Variants in CAPN9 observed in about 807,000 individuals in gnomAD.
The protein encoded by CAPN9 is calpain 9.
CAPN9 carries 81 observed loss-of-function variants against 92.8 expected under a neutral mutation model. That is an observed-to-expected ratio of 0.87 (90% CI 0.73 to 1.05). The LOEUF (loss-of-function observed/expected upper bound fraction) is 1.05. Among genes scored for constraint, CAPN9 ranks in the 50% least tolerant of loss-of-function variants. The pLI, the probability that CAPN9 is intolerant of heterozygous loss-of-function variation, is 0.00. For synonymous variants in CAPN9, 304 were observed against 328.0 expected (o/e 0.93, Z 0.79); for missense variants, 848 against 866.2 (o/e 0.98, Z 0.26).
chr1:230,780,373 T>G, intron 10 of CAPN9, 37 bp downstream of exon 10: 1 of 1,609,108 alleles, frequency 6.2e-7, no homozygotes, highest in Non-Finnish European at 8.5e-7. Flanking sequence ...GAGTTCTCCA[T>G]CTGAGTTCTA....
chr1:230,767,393 C>T (rs1666056893), intron 4 of CAPN9, 148 bp from the exon 5 acceptor site: 6 of 603,816 alleles, frequency 9.9e-6, no homozygotes, highest in Non-Finnish European at 1.7e-5. Context: ...ACCCTGATAA[C>T]TTGCTTCCCG....
rs1352085414 is a variant in CAPN9, at chr1:230,789,320, A to C, written c.1600-812A>C. Among the ~76,000 whole-genome samples the C allele has an allele frequency of 2.6e-5, 4 of 152,194 alleles. No homozygotes were observed. The East Asian group carries it at 7.7e-4, about 29-fold the overall frequency. ...ATAGGGAGAGCCCATCTCTGCAAAA[A>C]TAATCAGCCCAGCATGGTGGTGCAT... On this transcript the variant is annotated intron_variant, in intron 13 of 19. Coordinates refer to ENST00000271971, the MANE Select transcript of CAPN9 (RefSeq NM_006615.3).
chr1:230,795,198 G>T lies in CAPN9; in HGVS notation c.1906G>T (p.Val636Leu), dbSNP rs370675670. The stretch of plus-strand genomic sequence containing the variant: ...GAGCAGCCACCTCCTGCAGCTGATT[G>T]TGCTCAGGTATGCGGATGAGGAGCT... The part of the protein sequence containing the change: ...QLSSHLLQLI[V>L]LRYADEELQL... The change falls in exon 18 of 20, where the codon GTG (valine) becomes TTG (leucine). Residue 636 changes from valine (V) to leucine (L), a missense_variant. Transcript: ENST00000271971. The T allele has an allele frequency of 1.9e-6, 3 of 1,613,532 alleles. No homozygotes were observed. The highest frequency in any genetic ancestry group is 2.5e-6 in the Non-Finnish European group (3 of 1,179,754).
intron 1 of CAPN9, among the ~76,000 whole-genome samples, chr1:230,751,579 AAG>A (rs1664778242): frequency 5.3e-5 from 1 of 18,988 alleles, no homozygotes; most frequent in African/African-American, 2.9e-4. Flanking sequence ...AGAAAGAAGA[AAG>A]AAACAAAGAA....
chr1:230,800,305 AGGAAAAAC>A (rs1333808046), intron 19 of CAPN9, among the ~76,000 whole-genome samples: 9 of 51,780 alleles, frequency 1.7e-4, no homozygotes, highest in African/African-American at 5.9e-4. Flanking sequence ...AAAGAAAGAA[AGGAAAAAC>A]AAGAGAGACC....
intron 2 of CAPN9, among the ~76,000 whole-genome samples, chr1:230,757,768 C>G (rs922151427): frequency 4.0e-5 from 6 of 148,564 alleles, no homozygotes; most frequent in African/African-American, 1.5e-4. Flanking sequence ...TCAAGGCATG[C>G]TGTTATCTGC....
chr1:230,789,254 C>T lies in CAPN9; in HGVS notation c.1600-878C>T, dbSNP rs575248256. ...CACCTGGGCATCCTGGGAAAAAAAACACAGATTCCTCATCAATAGGTCAAG... is the reference window on the plus strand; with the variant it reads ...CACCTGGGCATCCTGGGAAAAAAAATACAGATTCCTCATCAATAGGTCAAG... On this transcript the variant is annotated intron_variant, in intron 13 of 19. Coordinates refer to ENST00000271971, the MANE Select transcript of CAPN9 (RefSeq NM_006615.3). Among the ~76,000 whole-genome samples, 4 of 151,806 alleles carry T rather than the reference C, an allele frequency of 2.6e-5. No homozygotes were observed. The East Asian group carries it at 7.7e-4, about 29-fold the overall frequency.
At position 230,801,700 on chromosome 1, in the gene CAPN9, C is replaced by G. The variant is rs1668736486; in HGVS notation, c.*104C>G. The G allele has an allele frequency of 9.9e-7, 1 of 1,013,436 alleles. No homozygotes were observed. The highest frequency in any genetic ancestry group is 1.6e-6 in the Non-Finnish European group (1 of 632,210). 62.8% of individuals were successfully genotyped at this position (1,013,436 alleles called of 1,614,324 possible). On this transcript the variant is annotated 3_prime_UTR_variant, in exon 20 of 20. Transcript: ENST00000271971. ...GAACCATTACGCCCAGGGTTCACTC[C>G]CCTCTCATCGTCCGGCCTTCTCCCT... is the stretch of plus-strand genomic sequence containing the variant.
In CAPN9 at chr1:230,782,514, G is replaced by A. The variant is rs548690940; in HGVS notation, c.1481+1806G>A. ...CCAAATGTTTTTAGCATCATCAAAA[G>A]CTGAAGCCTGCTCCTCCTCTTAATA... On this transcript the variant is annotated intron_variant, in intron 11 of 19. Transcript: ENST00000271971. Among the ~76,000 whole-genome samples, 3 of 152,278 alleles carry A rather than the reference G, an allele frequency of 2.0e-5. No homozygotes were observed. In the East Asian group the frequency reaches 5.8e-4, roughly 29 times the overall value.
chr1:230,753,274 G>A (rs1014102067), intron 1 of CAPN9, among the ~76,000 whole-genome samples: 1 of 152,192 alleles, frequency 6.6e-6, no homozygotes, highest in African/African-American at 2.4e-5. Flanking sequence ...CCTTACTTCT[G>A]CCGGGCCTGG....
intron 1 of CAPN9, among the ~76,000 whole-genome samples, chr1:230,755,113 C>T (rs896960307): frequency 1.3e-5 from 2 of 152,182 alleles, no homozygotes; most frequent in Non-Finnish European, 2.9e-5. Flanking sequence ...GCTCAGGAGG[C>T]AGGACCTCTC....
chr1:230,763,481 A>G (rs1227136441), intron 4 of CAPN9, among the ~76,000 whole-genome samples: 1 of 152,202 alleles, frequency 6.6e-6, no homozygotes, highest in Admixed American at 6.5e-5. Context: ...ACCTCATATA[A>G]GTGGAACCAA....
Position 230,774,566 on chromosome 1 carries a change from G to A in CAPN9, c.888G>A (p.Trp296Ter). The change falls in exon 8 of 20, where the codon TGG (tryptophan) becomes TGA (stop). Residue 296 changes from tryptophan (W) to a stop codon, truncating the protein, a stop_gained. Transcript: ENST00000271971. LOFTEE classifies it high-confidence loss of function. ...TGTTTACTCCTAGTTCTCCGGAGTG[G>A]CGTTCTGTTGGTCCAGCTGAGCAGA... ...NGSWSDSSPE[W>*]RSVGPAEQKR... 1.2e-6 allele frequency: 2 copies of A among 1,613,560 alleles called. No homozygotes were observed. The highest frequency in any genetic ancestry group is 8.5e-7 in the Non-Finnish European group (1 of 1,179,564).
At chr1:230,798,045 C>T in intron 18 of CAPN9, 117 bp from the exon 19 acceptor site, 2 of 736,428 alleles carry the variant, frequency 2.7e-6, no homozygotes, top group Non-Finnish European at 4.8e-6. Flanking sequence ...CCTTGTTTAC[C>T]ACCAGATGGA....
intron 11 of CAPN9, among the ~76,000 whole-genome samples, chr1:230,783,916 C>T (rs999707008): frequency 1.3e-5 from 2 of 152,198 alleles, no homozygotes; most frequent in African/African-American, 4.8e-5. Context: ...CAGTGAAGTT[C>T]AGGCTGCCGA....
intron 8 of CAPN9, chr1:230,776,261 A>AC (rs1230651875): frequency 6.6e-6 from 1 of 152,106 alleles, no homozygotes; most frequent in Non-Finnish European, 1.5e-5. Flanking sequence ...CCTCTTTTAT[A>AC]ATGGCACTAA....
chr1:230,755,185 G>T, intron 1 of CAPN9, 152 bp from the exon 2 acceptor site: 1 of 632,800 alleles, frequency 1.6e-6, no homozygotes, highest in Non-Finnish European at 2.8e-6. Context: ...AGAGGTGGCA[G>T]CCTTTTACAT....
intron 19 of CAPN9, among the ~76,000 whole-genome samples, chr1:230,800,312 A>G (rs71636370): frequency 6.8e-6 from 1 of 147,102 alleles, no homozygotes; most frequent in Non-Finnish European, 1.5e-5. Context: ...GAAAGGAAAA[A>G]CAAGAGAGAC....
rs1199296023 is a variant in CAPN9 at position 230,762,745 on chromosome 1, C to A, written c.495C>A (p.His165Gln). Residue 165 changes from histidine (H) to glutamine (Q), a missense_variant, in exon 4 of 20, where the codon CAC becomes CAA. Physicochemically the swap from His to Gln is conservative, Grantham distance 24. Coordinates refer to ENST00000271971, the MANE Select transcript of CAPN9 (RefSeq NM_006615.3). ...TGGTTTTCCTCCACTCTGCCGACCACAACGAGTTCTGGAGCGCCTTGCTGG... is the reference window on the plus strand; with the variant it reads ...TGGTTTTCCTCCACTCTGCCGACCAAAACGAGTTCTGGAGCGCCTTGCTGG... ...DRLVFLHSAD[H>Q]NEFWSALLEK... The A allele has an allele frequency of 1.9e-6, 3 of 1,614,148 alleles. No individual in the cohort carries two copies. The highest frequency in any genetic ancestry group is 2.5e-6 in the Non-Finnish European group (3 of 1,180,016).
Sources: allele counts gnomAD v4.1 joint callset (sites outside exome capture counted in the v4.1 genomes callset), GRCh38; gene constraint gnomAD v4.1.1; transcripts MANE v1.5; gene names NCBI Gene and HGNC (gene_info 2026-07-23, HGNC 2026-07-21).